The following TMOD1 variants were observed in gnomAD, a reference collection of about 807,000 sequenced individuals.
TMOD1 encodes the protein tropomodulin 1.
Under a neutral mutation model 40.6 loss-of-function variants are expected in TMOD1, and 17 were observed. The observed-to-expected ratio is 0.42, with a 90% CI of 0.29 to 0.63. The LOEUF (loss-of-function observed/expected upper bound fraction) is 0.63, where lower values mean the gene tolerates loss of function less well. Among genes scored for constraint, TMOD1 ranks in the 20% least tolerant of loss-of-function variants. TMOD1 has a pLI of 0.22. For synonymous variants in TMOD1, 181 were observed against 175.0 expected (o/e 1.03, Z -0.27); for missense variants, 391 against 447.6 (o/e 0.87, Z 1.14).
rs1371778750 is a variant in TMOD1, at chr9:97,557,880, A to G, written c.397+4480A>G. On this transcript the variant is annotated intron_variant, in intron 4 of 9. Transcript: ENST00000259365. The surrounding 1 kb of genome is among the most constrained non-coding windows in gnomAD (Gnocchi z 4.4). ...AGGAAGATCTAGACTTAAAAAAAAA[A>G]AAAAATCAAGTTCCCCAGTGCTAAA... is the stretch of plus-strand genomic sequence containing the variant. 6.6e-6 allele frequency among the ~76,000 whole-genome samples: 1 copy of G among 152,194 alleles called. No homozygotes were observed. Among genetic ancestry groups the G allele is most frequent in the Non-Finnish European group, 1.5e-5 (1 of 68,034 alleles).
At chr9:97,503,264 G>A (rs1829534578) in intron 1 of TMOD1, among the ~76,000 whole-genome samples, 1 of 152,168 alleles carries the variant, frequency 6.6e-6, no homozygotes, top group Non-Finnish European at 1.5e-5. Context: ...TGCTCAGGCA[G>A]GTCCGGGAGC....
chr9:97,569,176 C>G, intron 8 of TMOD1, 139 bp downstream of exon 8: 1 of 1,043,324 alleles, frequency 9.6e-7, no homozygotes, highest in Admixed American at 2.7e-5. Flanking sequence ...TCCAAGGTCC[C>G]TAAAGTTCAC....
intron 1 of TMOD1, among the ~76,000 whole-genome samples, chr9:97,518,355 G>A (rs185778501): frequency 2.0e-5 from 3 of 152,330 alleles, no homozygotes; most frequent in Admixed American, 1.3e-4. Context: ...GAACAGATTC[G>A]TCCTCAGAGC....
intron 2 of TMOD1, among the ~76,000 whole-genome samples, chr9:97,541,600 C>T (rs1830277174): frequency 6.6e-6 from 1 of 152,024 alleles, no homozygotes; most frequent in Non-Finnish European, 1.5e-5. Context: ...ACTGCAACCT[C>T]TGCCTCCTGA....
In TMOD1 at chr9:97,565,379, G is replaced by A. The variant is rs370902706; in HGVS notation, c.619-469G>A. Among the ~76,000 whole-genome samples, 53 of 152,284 alleles carry A rather than the reference G, an allele frequency of 3.5e-4. 1 individual carries two copies. In the East Asian group the frequency reaches 7.5e-3, roughly 22 times the overall value. On this transcript the variant is annotated intron_variant, in intron 6 of 9. Coordinates refer to ENST00000259365, the MANE Select transcript of TMOD1 (RefSeq NM_003275.4). ...GTCTCTGATGTGCCGCTGGAGCAGA[G>A]ACCCCCTGGGGTAGATGTCTCTTAA...
intron 1 of TMOD1, among the ~76,000 whole-genome samples, chr9:97,507,418 A>G (rs1829606925): frequency 6.6e-6 from 1 of 152,244 alleles, no homozygotes; most frequent in South Asian, 2.1e-4. Flanking sequence ...ACAGCATTAA[A>G]AAGGCTTGAG....
At chr9:97,545,827 A>T (rs145668290) in intron 2 of TMOD1, among the ~76,000 whole-genome samples, 2 of 152,196 alleles carry the variant, frequency 1.3e-5, no homozygotes, top group Non-Finnish European at 2.9e-5. Context: ...AATCATATTC[A>T]TCACTCAGCA....
chr9:97,588,859 G>A (rs1825937357), intron 8 of TMOD1, among the ~76,000 whole-genome samples: 1 of 151,950 alleles, frequency 6.6e-6, no homozygotes, highest in Non-Finnish European at 1.5e-5. Context: ...AGTGGCTCAC[G>A]CCTATGATCC....
At chr9:97,565,316 C>T (rs4743112) in intron 6 of TMOD1, among the ~76,000 whole-genome samples, 39,659 of 151,926 alleles carry the variant, frequency 0.26, 5,336 homozygotes, top group South Asian at 0.42. Flanking sequence ...TGTTCTGGGC[C>T]GGCCCAAGCA....
Position 97,600,339 on chromosome 9 carries a change from A to C in TMOD1, c.*641A>C, listed in dbSNP as rs1023623324. 34 of 986,024 alleles carry C rather than the reference A, an allele frequency of 3.4e-5. No individual in the cohort carries two copies. In the African/African-American group the frequency reaches 5.8e-4, roughly 17 times the overall value. 61.1% of individuals were successfully genotyped at this position (986,024 alleles called of 1,614,324 possible). ...TGATAGGAAAAAAACCAATGGTGAA[A>C]TTTCAAGTTTCAAAAACCAACCTTT... On this transcript the variant is annotated 3_prime_UTR_variant, in exon 10 of 10. Coordinates refer to ENST00000259365, the MANE Select transcript of TMOD1 (RefSeq NM_003275.4).
intron 6 of TMOD1, among the ~76,000 whole-genome samples, chr9:97,564,964 T>C (rs965666702): frequency 6.6e-6 from 1 of 152,192 alleles, no homozygotes; most frequent in African/African-American, 2.4e-5. Context: ...ACCATCAGAT[T>C]GGAAACCTGC....
At chr9:97,537,913 G>A (rs1159756424) in intron 2 of TMOD1, among the ~76,000 whole-genome samples, 2 of 152,212 alleles carry the variant, frequency 1.3e-5, no homozygotes, top group Admixed American at 6.5e-5. Flanking sequence ...TAGATCAGAT[G>A]TGGCATAATG....
In TMOD1 at chr9:97,517,333, G is replaced by GA. The variant is rs1356079808; in HGVS notation, c.-48-6808_-48-6807insA. ...TCACTACACTCCAGCGTGGGTGATGGGGGAAAAAAAAAAAAGTTTAAAATA... is the reference window on the plus strand; with the variant it reads ...TCACTACACTCCAGCGTGGGTGATGGAGGGAAAAAAAAAAAAGTTTAAAATA... On this transcript the variant is annotated intron_variant, in intron 1 of 9. Coordinates refer to ENST00000259365, the MANE Select transcript of TMOD1 (RefSeq NM_003275.4). Among the ~76,000 whole-genome samples the GA allele has an allele frequency of 3.9e-3, 573 of 146,486 alleles. 2 individuals are homozygous for GA. Among genetic ancestry groups the GA allele is most frequent in the Non-Finnish European group, 5.9e-3 (392 of 66,122 alleles).
chr9:97,594,395 C>T (rs906107241), intron 9 of TMOD1, among the ~76,000 whole-genome samples: 1 of 152,218 alleles, frequency 6.6e-6, no homozygotes, highest in Non-Finnish European at 1.5e-5. Context: ...CGCAGTGAAG[C>T]AGACAGACTT....
At chr9:97,521,075 C>T (rs1436260404) in intron 1 of TMOD1, among the ~76,000 whole-genome samples, 2 of 152,196 alleles carry the variant, frequency 1.3e-5, no homozygotes, top group Non-Finnish European at 2.9e-5. Flanking sequence ...TCTGATGTTC[C>T]CCAGAAGTGT....
chr9:97,599,874 C>T lies in TMOD1; in HGVS notation c.*176C>T. 7.2e-7 allele frequency: 1 copy of T among 1,389,598 alleles called. No homozygotes were observed. Among genetic ancestry groups the T allele is most frequent in the Non-Finnish European group, 9.4e-7 (1 of 1,065,522 alleles). The allele number at this position is 1,389,598 out of a possible 1,614,324, so 86.1% of individuals were successfully genotyped here. ...TTGTAGTTGAAAATTTTATAAAATA[C>T]CGTTAATGTGAAGTTTTTCTTTAGT... is the stretch of plus-strand genomic sequence containing the variant. On this transcript the variant is annotated 3_prime_UTR_variant, in exon 10 of 10. Transcript: ENST00000259365.
chr9:97,524,993 CAAGTT>C (rs1389240255), intron 2 of TMOD1, among the ~76,000 whole-genome samples: 1 of 152,330 alleles, frequency 6.6e-6, no homozygotes, highest in South Asian at 2.1e-4. Flanking sequence ...ATGGCCAAGT[CAAGTT>C]GACACCCAAA....
Position 97,517,022 on chromosome 9 carries a change from A to G in TMOD1, c.-48-7119A>G, listed in dbSNP as rs117973246. Among the ~76,000 whole-genome samples, 120 of 152,314 alleles carry G rather than the reference A, an allele frequency of 7.9e-4. 1 individual carries two copies. The East Asian group carries it at 0.017, about 21-fold the overall frequency. On this transcript the variant is annotated intron_variant, in intron 1 of 9. Coordinates refer to ENST00000259365, the MANE Select transcript of TMOD1 (RefSeq NM_003275.4). Reference sequence around the variant, plus strand: ...TTTTACCACAATTTGAAAAGCAACTATAACAACAAAAAGATAGTGGGCCTG... The same window carrying G: ...TTTTACCACAATTTGAAAAGCAACTGTAACAACAAAAAGATAGTGGGCCTG...
At chr9:97,573,894 A>G (rs1333783493) in intron 8 of TMOD1, among the ~76,000 whole-genome samples, 2 of 152,246 alleles carry the variant, frequency 1.3e-5, no homozygotes, top group Non-Finnish European at 2.9e-5. Flanking sequence ...CACAAAGCAC[A>G]ACCCACACTC....
Sources: allele counts gnomAD v4.1 joint callset (sites outside exome capture counted in the v4.1 genomes callset), GRCh38; gene constraint gnomAD v4.1.1; non-coding constraint Gnocchi (gnomAD v3.1); transcripts MANE v1.5; gene names NCBI Gene and HGNC (gene_info 2026-07-23, HGNC 2026-07-21).